ZNF445: variants seen among roughly 807,000 people sequenced by gnomAD.
ZNF445 encodes the protein zinc finger protein 445.
ZNF445 carries 19 observed loss-of-function variants against 93.9 expected under a neutral mutation model. The ratio of observed to expected loss-of-function variants is 0.20; its 90% CI spans 0.14 to 0.30. The LOEUF (loss-of-function observed/expected upper bound fraction) is 0.30. Ranked by LOEUF, ZNF445 falls within the 10% of genes least tolerant of loss-of-function variation. ZNF445 has a pLI of 1.00. For missense variants in ZNF445, 1,058 were observed against 1,259.4 expected, an observed-to-expected ratio of 0.84 and a Z score of 2.42; for synonymous variants, 449 against 446.3, an observed-to-expected ratio of 1.01 and a Z score of -0.08.
rs939062132 is a variant in ZNF445 at position 44,446,767 on chromosome 3, G to C, written c.2904C>G (p.Leu968=). ...ACSQSSRLTG[L]QDISIGKKCH... ...ACTTTTTCCCAATGCTTATGTCCTG[G>C]AGTCCAGTGAGCCTGGAGCTCTGGC... is the stretch of plus-strand genomic sequence containing the variant. The change falls in exon 8 of 8, where the codon CTC becomes CTG. Residue 968 remains leucine, a synonymous_variant. Coordinates refer to ENST00000396077, the MANE Select transcript of ZNF445 (RefSeq NM_181489.6). This position sits in a 1 kb window ranked among gnomAD's most constrained non-coding sequence, Gnocchi z 4.2. 7 of 1,614,150 alleles carry C rather than the reference G, an allele frequency of 4.3e-6. No individual in the cohort carries two copies. The East Asian group carries it at 1.3e-4, about 31-fold the overall frequency.
intron 1 of ZNF445, among the ~76,000 whole-genome samples, chr3:44,461,707 G>A (rs1252446687): frequency 1.3e-5 from 2 of 152,348 alleles, no homozygotes; most frequent in East Asian, 3.9e-4. Context: ...TTGACTTTGG[G>A]TGCTGAACAA....
At chr3:44,450,000 G>A in intron 6 of ZNF445, 1 of 300,480 alleles carries the variant, frequency 3.3e-6, no homozygotes, top group South Asian at 3.2e-5. Flanking sequence ...GAGTGCAGTG[G>A]TGCGATCTTG....
chr3:44,475,821 A>T (rs1698342016), intron 1 of ZNF445, among the ~76,000 whole-genome samples: 1 of 152,116 alleles, frequency 6.6e-6, no homozygotes, highest in Non-Finnish European at 1.5e-5. Context: ...CAATACGGTG[A>T]AACCCCGTCT....
chr3:44,467,998 T>C (rs912751345), intron 1 of ZNF445, among the ~76,000 whole-genome samples: 13 of 152,230 alleles, frequency 8.5e-5, no homozygotes, highest in Non-Finnish European at 1.8e-4. Flanking sequence ...TACCTTATAG[T>C]AGGCTGTTTC....
At chr3:44,457,219 C>T (rs775796997) in intron 2 of ZNF445, among the ~76,000 whole-genome samples, 15 of 152,070 alleles carry the variant, frequency 9.9e-5, no homozygotes, top group Non-Finnish European at 1.8e-4. Context: ...TTGTGCTATA[C>T]GAATCACATC....
intron 1 of ZNF445, among the ~76,000 whole-genome samples, chr3:44,475,603 A>G (rs1032592169): frequency 6.6e-6 from 1 of 152,222 alleles, no homozygotes; most frequent in Non-Finnish European, 1.5e-5. Flanking sequence ...TTAATTTGTC[A>G]TATATTTATT....
At position 44,447,318 on chromosome 3, in the gene ZNF445, T is replaced by G. The variant is rs778393120; in HGVS notation, c.2353A>C (p.Thr785Pro). ...CTGCACTTATATGGCTTCTCTCCAG[T>G]GTGAACTCTCTGATGGATGAGGAGG... ...SFLLIHQRVH[T>P]GEKPYKCREC... Residue 785 changes from threonine to proline, a missense_variant, in exon 8 of 8, where the codon ACT becomes CCT. Thr to Pro is a conservative substitution (Grantham distance 38). This residue lies in a region of ZNF445 where 387 missense variants were observed against 475.7 expected (regional missense o/e 0.81). Transcript: ENST00000396077. The surrounding 1 kb of genome is among the most constrained non-coding windows in gnomAD (Gnocchi z 4.7). 1.9e-6 allele frequency: 3 copies of G among 1,613,990 alleles called. No homozygotes were observed. The highest frequency in any genetic ancestry group is 2.5e-6 in the Non-Finnish European group (3 of 1,180,022).
rs1411851502 is a variant in ZNF445 at position 44,432,267 on chromosome 3, G to GTC, written c.*14307_*14308insGA. 17 of 128,288 alleles carry GTC rather than the reference G, an allele frequency of 1.3e-4. No individual in the cohort carries two copies. Among genetic ancestry groups the GTC allele is most frequent in the African/African-American group, 3.9e-4 (12 of 31,060 alleles). 7.9% of individuals were successfully genotyped at this position (128,288 alleles called of 1,614,324 possible). ...AACACATCTACACTCATTTGTGTGT[G>GTC]TGTGTCTGTGTGTGTGTGTGTGTGT... On this transcript the variant is annotated 3_prime_UTR_variant, in exon 8 of 8. Transcript: ENST00000396077.
intron 1 of ZNF445, among the ~76,000 whole-genome samples, chr3:44,466,486 T>G (rs993292657): frequency 3.9e-5 from 6 of 152,240 alleles, no homozygotes; most frequent in African/African-American, 1.4e-4. Flanking sequence ...TATGAAATTA[T>G]GTAAAACCCT....
In ZNF445 at chr3:44,447,886, T is replaced by A. The variant is rs1002432771; in HGVS notation, c.1785A>T (p.Lys595Asn). The A allele has an allele frequency of 1.2e-5, 20 of 1,613,748 alleles. No homozygotes were observed. Among genetic ancestry groups the A allele is most frequent in the Non-Finnish European group, 1.7e-5 (20 of 1,179,984 alleles). Residue 595 changes from lysine to asparagine, a missense_variant, in exon 8 of 8, where the codon AAA becomes AAT. Around this residue, in one of 3 missense-constraint regions of ZNF445, gnomAD observed 657 missense variants for 746.4 expected, o/e 0.88. Coordinates refer to ENST00000396077, the MANE Select transcript of ZNF445 (RefSeq NM_181489.6). The surrounding 1 kb of genome is among the most constrained non-coding windows in gnomAD (Gnocchi z 4.7). ...TCCTGCACTGGCTGCAGTCAAAGAGTTTCTCCCCACTTTGGTCTCCCAAAT... is the reference window on the plus strand; with the variant it reads ...TCCTGCACTGGCTGCAGTCAAAGAGATTCTCCCCACTTTGGTCTCCCAAAT... ...DHHLGDQSGE[K>N]LFDCSQCRKS...
chr3:44,459,959 T>C (rs1329503962), intron 1 of ZNF445, among the ~76,000 whole-genome samples: 1 of 152,208 alleles, frequency 6.6e-6, no homozygotes, highest in Non-Finnish European at 1.5e-5. Context: ...TCTAGCACTT[T>C]AGGAGGCCAA....
chr3:44,432,531 TGA>T lies in ZNF445; in HGVS notation c.*14042_*14043del, dbSNP rs141174046. ...GTCTGCGGAAGAATTCTCTCTTGCC[TGA>T]GAGAGAGTCTGGGGCAGCCAGACTT... On this transcript the variant is annotated 3_prime_UTR_variant, in exon 8 of 8. Transcript: ENST00000396077. The T allele has an allele frequency of 0.26, 40,192 of 151,886 alleles. 5,444 individuals carry two copies. Among genetic ancestry groups the T allele is most frequent in the Admixed American group, 0.29 (4,501 of 15,262 alleles). The allele number at this position is 151,886 out of a possible 1,614,324, so 9.4% of individuals were successfully genotyped here.
At chr3:44,475,649 C>T (rs758924502) in intron 1 of ZNF445, among the ~76,000 whole-genome samples, 1 of 152,188 alleles carries the variant, frequency 6.6e-6, no homozygotes, top group Non-Finnish European at 1.5e-5. Context: ...TGCCTTGAGG[C>T]GTCTATGAGG....
intron 1 of ZNF445, among the ~76,000 whole-genome samples, chr3:44,468,063 A>G: frequency 6.6e-6 from 1 of 152,244 alleles, no homozygotes; most frequent in Non-Finnish European, 1.5e-5. Flanking sequence ...TAGCCATGCA[A>G]GCCATGAACG....
At position 44,447,031 on chromosome 3, in the gene ZNF445, G is replaced by A. The variant is rs778417089; in HGVS notation, c.2640C>T (p.Asn880=). 2.2e-5 allele frequency: 35 copies of A among 1,614,090 alleles called. No homozygotes were observed. The highest frequency in any genetic ancestry group is 1.1e-5 in the South Asian group (1 of 91,094). ...TCCTCTGATGGTTAACAAGGCGATA[G>A]TTTCTATCATAAGATTTCCCACATA... ...CNLCGKSYDR[N]YRLVNHQRIH... The change falls in exon 8 of 8, where the codon AAC becomes AAT. Residue 880 remains asparagine, a synonymous_variant. Transcript: ENST00000396077. This position sits in a 1 kb window ranked among gnomAD's most constrained non-coding sequence, Gnocchi z 4.7.
rs1697883246 is a variant in ZNF445 at position 44,446,792 on chromosome 3, C to T, written c.2879G>A (p.Ser960Asn). The part of the protein sequence containing the change: ...MPLEDCKEAC[S>N]QSSRLTGLQD... The stretch of plus-strand genomic sequence containing the variant: ...GAGTCCAGTGAGCCTGGAGCTCTGG[C>T]TGCAAGCTTCTTTGCAGTCTTCGAG... The change falls in exon 8 of 8, where the codon AGC (serine) becomes AAC (asparagine). Residue 960 changes from serine (S) to asparagine (N), a missense_variant. Around this residue, in one of 3 missense-constraint regions of ZNF445, gnomAD observed 387 missense variants for 475.7 expected, o/e 0.81. Coordinates refer to ENST00000396077, the MANE Select transcript of ZNF445 (RefSeq NM_181489.6). This position sits in a 1 kb window ranked among gnomAD's most constrained non-coding sequence, Gnocchi z 4.2. 1.2e-6 allele frequency: 2 copies of T among 1,614,214 alleles called. No individual in the cohort carries two copies. The highest frequency in any genetic ancestry group is 4.5e-5 in the East Asian group (2 of 44,886).
chr3:44,448,932 T>C (rs1217261843), intron 7 of ZNF445, among the ~76,000 whole-genome samples, 193 bp from the exon 8 acceptor site: 1 of 152,094 alleles, frequency 6.6e-6, no homozygotes, highest in African/African-American at 2.4e-5. Context: ...AAAAGCAAGA[T>C]GGGCAGGGCA....
Position 44,455,106 on chromosome 3 carries a change from C to T in ZNF445, c.429+15G>A, listed in dbSNP as rs750252267. The T allele has an allele frequency of 2.5e-6, 4 of 1,613,942 alleles. No individual in the cohort carries two copies. The South Asian group carries it at 4.4e-5, about 18-fold the overall frequency. On this transcript the variant is annotated intron_variant, in intron 3 of 7. Transcript: ENST00000396077. ...GGCAGAGTTCCCTGGGCACCACACA[C>T]TTGCTCACACTCACCCTCCAGGATG...
intron 3 of ZNF445, among the ~76,000 whole-genome samples, chr3:44,454,082 G>A (rs1258717485): frequency 6.6e-6 from 1 of 151,968 alleles, no homozygotes; most frequent in Admixed American, 6.6e-5. Flanking sequence ...GGAGGCCAAG[G>A]CGGATGGATC....
Sources: gnomAD v4.1 joint callset for allele counts (sites outside exome capture counted in the v4.1 genomes callset) on GRCh38, gnomAD v4.1.1 for gene constraint, gnomAD v4.1.1 regional missense constraint, Gnocchi (gnomAD v3.1) non-coding constraint, MANE v1.5 for transcripts, NCBI Gene and HGNC (gene_info 2026-07-23, HGNC 2026-07-21) for gene names.